RPN2: variants seen among roughly 807,000 people sequenced by gnomAD.
RPN2 encodes dolichyl-diphosphooligosaccharide--protein glycosyltransferase subunit 2.
In RPN2, 29 loss-of-function variants were observed where a neutral mutation model predicts 71.4. That is an observed-to-expected ratio of 0.41 (90% CI 0.30 to 0.55). The LOEUF (loss-of-function observed/expected upper bound fraction) is 0.55. Among genes scored for constraint, RPN2 ranks in the 20% least tolerant of loss-of-function variants. The pLI is 0.35. For missense variants in RPN2, 726 were observed against 774.1 expected (o/e 0.94, Z 0.74); for synonymous variants, 308 against 305.0 (o/e 1.01, Z -0.10).
intron 16 of RPN2, among the ~76,000 whole-genome samples, chr20:37,237,295 T>C (rs890472651): frequency 2.6e-5 from 4 of 152,188 alleles, no homozygotes. Flanking sequence ...TGCTGGCAGC[T>C]TGACTTTCTA....
chr20:37,213,077 C>T (rs2067714167), intron 8 of RPN2, among the ~76,000 whole-genome samples: 1 of 152,000 alleles, frequency 6.6e-6, no homozygotes, highest in Non-Finnish European at 1.5e-5. Flanking sequence ...AGAAATCATA[C>T]CAAAAAATTA....
intron 6 of RPN2, among the ~76,000 whole-genome samples, 185 bp downstream of exon 6, chr20:37,205,086 CT>C (rs1186880491): frequency 6.6e-6 from 1 of 152,128 alleles, no homozygotes; most frequent in Non-Finnish European, 1.5e-5. Flanking sequence ...AAATGGGTTG[CT>C]AGTGAGGTAG....
At chr20:37,200,259 G>C (rs2067352799) in intron 4 of RPN2, among the ~76,000 whole-genome samples, 1 of 152,172 alleles carries the variant, frequency 6.6e-6, no homozygotes, top group African/African-American at 2.4e-5. Context: ...AAAGTGCTGG[G>C]ATTACAGGCG....
Position 37,231,714 on chromosome 20 carries a change from T to TAAA in RPN2, c.1582-576_1582-574dup, listed in dbSNP as rs146042631. Reference sequence around the variant, plus strand: ...GTGACACAGTGAGGTCCTGTCTCTTTAAAAAAAAGAAAAAGAAATGAGAGC... The same window carrying TAAA: ...GTGACACAGTGAGGTCCTGTCTCTTTAAAAAAAAAAAGAAAAAGAAATGAGAGC... On this transcript the variant is annotated intron_variant, in intron 13 of 16. Coordinates refer to ENST00000237530, the MANE Select transcript of RPN2 (RefSeq NM_002951.5). Among the ~76,000 whole-genome samples the TAAA allele has an allele frequency of 8.8e-4, 128 of 145,744 alleles. 1 individual carries two copies. The highest frequency in any genetic ancestry group is 3.1e-3 in the African/African-American group (122 of 38,762).
intron 13 of RPN2, among the ~76,000 whole-genome samples, chr20:37,230,838 G>T (rs1417777800): frequency 6.6e-6 from 1 of 152,040 alleles, no homozygotes; most frequent in Non-Finnish European, 1.5e-5. Context: ...GCAGCTAACT[G>T]GTAGGTGTAA....
intron 8 of RPN2, among the ~76,000 whole-genome samples, chr20:37,212,237 C>G (rs1251395903): frequency 6.6e-6 from 1 of 151,978 alleles, no homozygotes; most frequent in African/African-American, 2.4e-5. Flanking sequence ...CATGATCATA[C>G]CATATCACTC....
chr20:37,225,925 C>T, intron 11 of RPN2, 123 bp downstream of exon 11: 1 of 736,886 alleles, frequency 1.4e-6, no homozygotes, highest in Non-Finnish European at 2.4e-6. Flanking sequence ...TTTGACCGAA[C>T]CCTGACAGTC....
intron 2 of RPN2, among the ~76,000 whole-genome samples, chr20:37,189,199 T>A (rs1028926102): frequency 2.6e-5 from 4 of 152,194 alleles, no homozygotes; most frequent in Non-Finnish European, 5.9e-5. Flanking sequence ...CCTCCCAAAG[T>A]GCTGGGATTA....
chr20:37,241,107 G>C (rs911442987), intron 16 of RPN2, among the ~76,000 whole-genome samples, 196 bp from the exon 17 acceptor site: 1 of 152,204 alleles, frequency 6.6e-6, no homozygotes, highest in African/African-American at 2.4e-5. Flanking sequence ...GCTTAATTAT[G>C]AACTAGCTGT....
intron 2 of RPN2, 39 bp from the exon 3 acceptor site, chr20:37,198,358 T>C (rs764522634): frequency 1.2e-6 from 2 of 1,614,168 alleles, no homozygotes; most frequent in East Asian, 2.2e-5. Flanking sequence ...GTTCACTACA[T>C]GTGTCACCAC....
chr20:37,216,708 T>C (rs1167567199), intron 9 of RPN2, among the ~76,000 whole-genome samples: 1 of 152,128 alleles, frequency 6.6e-6, no homozygotes, highest in Non-Finnish European at 1.5e-5. Context: ...ATGATCCGCC[T>C]GCTTTGGCCC....
chr20:37,226,837 T>C (rs1443127988), intron 11 of RPN2, among the ~76,000 whole-genome samples: 1 of 152,126 alleles, frequency 6.6e-6, no homozygotes, highest in African/African-American at 2.4e-5. Context: ...TAACCTGCCT[T>C]TAGTGTTACG....
chr20:37,185,965 G>A (rs1324178031), intron 2 of RPN2, among the ~76,000 whole-genome samples: 1 of 152,224 alleles, frequency 6.6e-6, no homozygotes, highest in Non-Finnish European at 1.5e-5. Flanking sequence ...GCAAAATCCA[G>A]TTCCTGTGGT....
chr20:37,211,869 C>G (rs1045662821), intron 8 of RPN2, among the ~76,000 whole-genome samples: 12 of 151,940 alleles, frequency 7.9e-5, no homozygotes, highest in African/African-American at 2.9e-4. Context: ...TCCTAAGTAG[C>G]TGGGATTACA....
At position 37,230,117 on chromosome 20, in the gene RPN2, G is replaced by T. The variant is rs1206123029; in HGVS notation, c.1581+58G>T. On this transcript the variant is annotated intron_variant, in intron 13 of 16. Coordinates refer to ENST00000237530, the MANE Select transcript of RPN2 (RefSeq NM_002951.5). The stretch of plus-strand genomic sequence containing the variant: ...GGAGAAGAGAGGGCAACAAAGCCCT[G>T]GACAGTGGCTCTGCTCCCTTTAACT... 1.0e-5 allele frequency: 13 copies of T among 1,261,408 alleles called. No homozygotes were observed. In the Admixed American group the frequency reaches 1.5e-4, roughly 15 times the overall value. The allele number at this position is 1,261,408 out of a possible 1,614,324, so 78.1% of individuals were successfully genotyped here. A position where few individuals can be genotyped will look rare whatever the true frequency, so the allele number is the denominator to read the frequency against.
chr20:37,190,500 T>C (rs1388656869), intron 2 of RPN2, among the ~76,000 whole-genome samples: 7 of 152,226 alleles, frequency 4.6e-5, no homozygotes, highest in Non-Finnish European at 7.3e-5. Context: ...ATGGAGATAA[T>C]AATACTCAGC....
intron 2 of RPN2, among the ~76,000 whole-genome samples, 175 bp from the exon 3 acceptor site, chr20:37,198,222 A>T (rs2067295722): frequency 6.6e-6 from 1 of 152,318 alleles, no homozygotes; most frequent in East Asian, 1.9e-4. Flanking sequence ...CTTTGTACGA[A>T]GTGAGCAATT....
intron 9 of RPN2, among the ~76,000 whole-genome samples, chr20:37,215,379 A>C (rs1311183096): frequency 6.6e-6 from 1 of 152,254 alleles, no homozygotes; most frequent in Non-Finnish European, 1.5e-5. Flanking sequence ...CCTTTTTAGC[A>C]TGAGACATCT....
At chr20:37,199,847 A>T (rs1032821825) in intron 4 of RPN2, among the ~76,000 whole-genome samples, 3 of 152,118 alleles carry the variant, frequency 2.0e-5, no homozygotes, top group Non-Finnish European at 4.4e-5. Flanking sequence ...ATTTTTATTT[A>T]TTTAGAGACA....
Sources: gnomAD v4.1 joint callset for allele counts (sites outside exome capture counted in the v4.1 genomes callset) on GRCh38, gnomAD v4.1.1 for gene constraint, MANE v1.5 for transcripts, NCBI Gene and HGNC (gene_info 2026-07-23, HGNC 2026-07-21) for gene names.